The following PERP variants were observed in gnomAD, a reference collection of about 807,000 sequenced individuals.
PERP encodes p53 apoptosis effector related to PMP-22.
In PERP, 11 loss-of-function variants were observed where a neutral mutation model predicts 20.3. That is an observed-to-expected ratio of 0.54 (90% CI 0.34 to 0.90). PERP has a LOEUF of 0.90. Among genes scored for constraint, PERP ranks in the 40% least tolerant of loss-of-function variants. The probability of loss-of-function intolerance (pLI) is 0.02; values close to 1 mark genes in which losing one functional copy is unlikely to be tolerated. For missense variants in PERP, 224 were observed against 249.4 expected (o/e 0.90, Z 0.69); for synonymous variants, 101 against 102.0 (o/e 0.99, Z 0.06).
intron 1 of PERP, among the ~76,000 whole-genome samples, chr6:138,097,452 T>C (rs950754108): frequency 1.5e-4 from 23 of 152,140 alleles, no homozygotes; most frequent in Non-Finnish European, 2.6e-4. Flanking sequence ...AACTTTTTTT[T>C]CCCAGGTTAT....
At position 138,092,168 on chromosome 6, in the gene PERP, G is replaced by A. The variant is rs1452108740; in HGVS notation, c.456C>T (p.Ala152=). The A allele has an allele frequency of 1.2e-6, 2 of 1,614,000 alleles. No homozygotes were observed. Among genetic ancestry groups the A allele is most frequent in the Admixed American group, 3.3e-5 (2 of 59,982 alleles). The change falls in exon 3 of 3, where the codon GCC becomes GCT. Residue 152 remains alanine, a synonymous_variant. Coordinates refer to ENST00000421351, the MANE Select transcript of PERP (RefSeq NM_022121.5). ...TCGTGGCTGCCCACCCAAAGCCGTA[G>A]GCCCAGTTATAGATGTAAGTGACAG... is the stretch of plus-strand genomic sequence containing the variant. ...NPAVTYIYNW[A]YGFGWAATII... is the part of the protein sequence containing the mutation.
intron 2 of PERP, among the ~76,000 whole-genome samples, chr6:138,095,814 A>G (rs1775678958): frequency 6.6e-6 from 1 of 152,182 alleles, no homozygotes; most frequent in Non-Finnish European, 1.5e-5. Context: ...ATTTCTTCAC[A>G]TCACCTGTGT....
rs559697326 is a variant in PERP at position 138,103,244 on chromosome 6, G to A, written c.214+3883C>T. On this transcript the variant is annotated intron_variant, in intron 1 of 2. Transcript: ENST00000421351. Reference sequence around the variant, plus strand: ...GGCTCACTGCAACCTCCGCCTCCCGGGTTCAAGCAATTCTCCTACCTCAGC... The same window carrying A: ...GGCTCACTGCAACCTCCGCCTCCCGAGTTCAAGCAATTCTCCTACCTCAGC... 3.9e-5 allele frequency among the ~76,000 whole-genome samples: 6 copies of A among 151,938 alleles called. No homozygotes were observed. The East Asian group carries it at 9.8e-4, about 25-fold the overall frequency.
chr6:138,102,828 G>T (rs1475672552), intron 1 of PERP, among the ~76,000 whole-genome samples: 1 of 152,000 alleles, frequency 6.6e-6, no homozygotes, highest in Non-Finnish European at 1.5e-5. Flanking sequence ...GGCCAGGCGC[G>T]GTGGCTCACG....
rs528484716 is a variant in PERP, at chr6:138,090,138, T to C, written c.*1904A>G. The C allele has an allele frequency of 6.6e-5, 10 of 152,294 alleles. No individual in the cohort carries two copies. Among genetic ancestry groups the C allele is most frequent in the African/African-American group, 2.2e-4 (9 of 41,554 alleles). 9.4% of individuals were successfully genotyped at this position (152,294 alleles called of 1,614,324 possible). ...GGCATAGTTGTGTGGGTTTTTCTTT[T>C]CAATTTTGGTATAATCACCCAGATT... On this transcript the variant is annotated 3_prime_UTR_variant, in exon 3 of 3. Coordinates refer to ENST00000421351, the MANE Select transcript of PERP (RefSeq NM_022121.5).
chr6:138,101,786 T>C lies in PERP; in HGVS notation c.215-5292A>G, dbSNP rs941556270. Among the ~76,000 whole-genome samples, 5 of 151,994 alleles carry C rather than the reference T, an allele frequency of 3.3e-5. No individual in the cohort carries two copies. The South Asian group carries it at 1.0e-3, about 31-fold the overall frequency. ...TCCTGCCTACAACTAAATGTAAGCATAGGAGAATGATATATTCAAAAATAT... is the reference window on the plus strand; with the variant it reads ...TCCTGCCTACAACTAAATGTAAGCACAGGAGAATGATATATTCAAAAATAT... On this transcript the variant is annotated intron_variant, in intron 1 of 2. Coordinates refer to ENST00000421351, the MANE Select transcript of PERP (RefSeq NM_022121.5).
rs1221063743 is a variant in PERP, at chr6:138,088,730, C to T, written c.*3312G>A. ...TGCAAAATTCAGGAAGAATGCACTG[C>T]ACACTGTATCCAGGCAAGCCAAGCT... On this transcript the variant is annotated 3_prime_UTR_variant, in exon 3 of 3. Coordinates refer to ENST00000421351, the MANE Select transcript of PERP (RefSeq NM_022121.5). 6.6e-6 allele frequency: 1 copy of T among 152,168 alleles called. No homozygotes were observed. The highest frequency in any genetic ancestry group is 6.5e-5 in the Admixed American group (1 of 15,270). 9.4% of individuals were successfully genotyped at this position (152,168 alleles called of 1,614,324 possible).
At chr6:138,101,299 G>A (rs1775768299) in intron 1 of PERP, among the ~76,000 whole-genome samples, 1 of 152,142 alleles carries the variant, frequency 6.6e-6, no homozygotes, top group Non-Finnish European at 1.5e-5. Context: ...GCACCTGGGA[G>A]GCAGAGGTTG....
At chr6:138,099,591 A>G (rs1368630770) in intron 1 of PERP, among the ~76,000 whole-genome samples, 3 of 152,262 alleles carry the variant, frequency 2.0e-5, no homozygotes, top group Non-Finnish European at 4.4e-5. Flanking sequence ...AACTTTTACA[A>G]TCACAGATAA....
At chr6:138,099,369 T>C (rs1367635835) in intron 1 of PERP, among the ~76,000 whole-genome samples, 1 of 152,222 alleles carries the variant, frequency 6.6e-6, no homozygotes, top group Non-Finnish European at 1.5e-5. Context: ...CTGGTAATTG[T>C]TAAGTTCAAT....
intron 1 of PERP, among the ~76,000 whole-genome samples, chr6:138,106,430 C>T (rs1166150128): frequency 6.6e-6 from 1 of 152,218 alleles, no homozygotes; most frequent in Non-Finnish European, 1.5e-5. Context: ...CTGCTAGGTA[C>T]ATTAAATTTG....
At chr6:138,097,323 A>G (rs954756819) in intron 1 of PERP, among the ~76,000 whole-genome samples, 6 of 152,212 alleles carry the variant, frequency 3.9e-5, no homozygotes, top group South Asian at 4.1e-4. Flanking sequence ...GATTCCAGTC[A>G]ACAACACCTA....
chr6:138,095,152 G>T (rs1328435400), intron 2 of PERP, among the ~76,000 whole-genome samples: 2 of 152,206 alleles, frequency 1.3e-5, no homozygotes, highest in Non-Finnish European at 2.9e-5. Context: ...TAATCAAGTA[G>T]AAATGAAAGT....
chr6:138,097,345 G>A (rs1775708699), intron 1 of PERP, among the ~76,000 whole-genome samples: 1 of 152,254 alleles, frequency 6.6e-6, no homozygotes, highest in Non-Finnish European at 1.5e-5. Context: ...TGTTCAACCT[G>A]CCCTCATTGC....
In PERP at chr6:138,106,801, T is replaced by C. The variant is rs923161412; in HGVS notation, c.214+326A>G. ...AGAAATTTCAGGTCTCCAAGAAACT[T>C]TGTTCATTATATTTACTCATCTAAA... On this transcript the variant is annotated intron_variant, in intron 1 of 2. Transcript: ENST00000421351. 2.0e-5 allele frequency among the ~76,000 whole-genome samples: 3 copies of C among 152,272 alleles called. No homozygotes were observed. The East Asian group carries it at 5.8e-4, about 29-fold the overall frequency.
At chr6:138,100,130 C>T (rs894738257) in intron 1 of PERP, among the ~76,000 whole-genome samples, 1 of 152,166 alleles carries the variant, frequency 6.6e-6, no homozygotes, top group Non-Finnish European at 1.5e-5. Context: ...TGTCAGTGAC[C>T]ATTTAGACCA....
rs753303141 is a variant in PERP, at chr6:138,092,138, G to A, written c.486C>T (p.Ile162=). The change falls in exon 3 of 3, where the codon ATC becomes ATT. Residue 162 remains isoleucine (I), a synonymous_variant. Transcript: ENST00000421351. Reference sequence around the variant, plus strand: ...AGAAGAAGAAGGCACAGCCAATCAGGATAATCGTGGCTGCCCACCCAAAGC... The same window carrying A: ...AGAAGAAGAAGGCACAGCCAATCAGAATAATCGTGGCTGCCCACCCAAAGC... The part of the protein sequence containing the change: ...AYGFGWAATI[I]LIGCAFFFCC... 1.9e-6 allele frequency: 3 copies of A among 1,614,102 alleles called. No individual in the cohort carries two copies. Among genetic ancestry groups the A allele is most frequent in the Non-Finnish European group, 1.7e-6 (2 of 1,179,994 alleles).
In PERP at chr6:138,102,960, G is replaced by A. The variant is rs553349747; in HGVS notation, c.214+4167C>T. On this transcript the variant is annotated intron_variant, in intron 1 of 2. Transcript: ENST00000421351. The stretch of plus-strand genomic sequence containing the variant: ...TAAAAATACAAAAAATTAGCCGGGC[G>A]TGGTGGCGGGCGCCTGTAGTCCGAG... 3.7e-4 allele frequency among the ~76,000 whole-genome samples: 56 copies of A among 151,764 alleles called. No individual in the cohort carries two copies. In the South Asian group the frequency reaches 0.01, roughly 28 times the overall value.
intron 1 of PERP, 138 bp downstream of exon 1, chr6:138,106,989 G>A (rs988801762): frequency 8.0e-6 from 6 of 748,324 alleles, no homozygotes; most frequent in Admixed American, 6.8e-5. Flanking sequence ...GCATGAGCCC[G>A]AGCTCGTCCT....
Sources: allele counts gnomAD v4.1 joint callset (sites outside exome capture counted in the v4.1 genomes callset), GRCh38; gene constraint gnomAD v4.1.1; transcripts MANE v1.5; gene names NCBI Gene and HGNC (gene_info 2026-07-23, HGNC 2026-07-21).